The following CCDC141 variants were observed in gnomAD, a reference collection of about 807,000 sequenced individuals.
CCDC141 encodes coiled-coil domain containing 141.
Under a neutral mutation model 181.0 loss-of-function variants are expected in CCDC141, and 168 were observed. That is an observed-to-expected ratio of 0.93 (90% CI 0.82 to 1.05). The LOEUF is 1.05. CCDC141 is among the 50% of genes least tolerant of loss of function. The pLI is 0.00. For synonymous variants in CCDC141, 666 were observed against 642.3 expected (o/e 1.04, Z -0.56); for missense variants, 1,902 against 1,788.5 (o/e 1.06, Z -1.14).
the CCDC141 span, among the ~76,000 whole-genome samples, chr2:178,817,368 A>C: frequency 1.3e-5 from 2 of 152,238 alleles, no homozygotes; most frequent in African/African-American, 4.8e-5. Flanking sequence ...ATGGCCTCAA[A>C]TATAAGAATT....
At chr2:178,982,544 T>C (rs1372669638) in intron 2 of CCDC141, among the ~76,000 whole-genome samples, 1 of 152,162 alleles carries the variant, frequency 6.6e-6, no homozygotes, top group East Asian at 1.9e-4. Context: ...TGCATTTCCA[T>C]CTGAGGTACC....
chr2:178,965,038 A>G (rs1690565814), intron 4 of CCDC141, among the ~76,000 whole-genome samples: 1 of 152,226 alleles, frequency 6.6e-6, no homozygotes, highest in South Asian at 2.1e-4. Flanking sequence ...CCAATTTAAG[A>G]TGGTATAATA....
intron 2 of CCDC141, among the ~76,000 whole-genome samples, chr2:178,992,480 A>G (rs1469837350): frequency 6.6e-6 from 1 of 150,930 alleles, no homozygotes; most frequent in African/African-American, 2.4e-5. Flanking sequence ...CTTCCAAATT[A>G]TACTCTAAGA....
chr2:179,015,714 C>CATATCTCATAT (rs1260959731), intron 2 of CCDC141, among the ~76,000 whole-genome samples: 1 of 128,030 alleles, frequency 7.8e-6, no homozygotes, highest in Non-Finnish European at 1.6e-5. Context: ...ATATCTCATA[C>CATATCTCATAT]ATATCTCATA....
chr2:179,004,754 A>G (rs1305871672), intron 2 of CCDC141, among the ~76,000 whole-genome samples: 1 of 152,146 alleles, frequency 6.6e-6, no homozygotes, highest in Admixed American at 6.6e-5. Context: ...TTTTTGAGAC[A>G]GAGTCTTGCT....
At chr2:178,923,699 A>C (rs1688806545) in intron 6 of CCDC141, among the ~76,000 whole-genome samples, 1 of 152,064 alleles carries the variant, frequency 6.6e-6, no homozygotes, top group South Asian at 2.1e-4. Flanking sequence ...CCCGATACAG[A>C]CGTGAGGCCC....
intron 2 of CCDC141, among the ~76,000 whole-genome samples, chr2:179,036,843 T>C (rs139157371): frequency 6.6e-6 from 1 of 152,342 alleles, no homozygotes; most frequent in Non-Finnish European, 1.5e-5. Context: ...CGTGTTTGAA[T>C]TTGGAAGGTG....
intron 6 of CCDC141, among the ~76,000 whole-genome samples, chr2:178,921,784 C>G (rs1688700698): frequency 6.6e-6 from 1 of 152,224 alleles, no homozygotes; most frequent in South Asian, 2.1e-4. Context: ...CCAGCTCCCA[C>G]AAGTCTTTCT....
intron 5 of CCDC141, among the ~76,000 whole-genome samples, chr2:178,949,134 G>C (rs1320313493): frequency 6.6e-6 from 1 of 152,156 alleles, no homozygotes; most frequent in Non-Finnish European, 1.5e-5. Flanking sequence ...GTACCAAAAA[G>C]AGTAGGAAGG....
At chr2:178,828,168 T>C (rs569632003), downstream of CCDC141, among the ~76,000 whole-genome samples, 181 of 152,094 alleles carry the variant, frequency 1.2e-3, 1 homozygote, top group Non-Finnish European at 1.5e-3. Context: ...GTAACAAAAA[T>C]TGTCATGTAG....
intron 19 of CCDC141, 125 bp from the exon 20 acceptor site, chr2:178,853,749 TAA>T: frequency 1.5e-6 from 1 of 684,620 alleles, no homozygotes; most frequent in Non-Finnish European, 2.4e-6. Flanking sequence ...TTGAACTTTC[TAA>T]GTCATAATAA....
intron 2 of CCDC141, among the ~76,000 whole-genome samples, chr2:179,021,396 A>C (rs2042688557): frequency 6.6e-6 from 1 of 152,186 alleles, no homozygotes; most frequent in Admixed American, 6.5e-5. Context: ...CTGGCACACA[A>C]ATAACAGAAC....
chr2:178,982,476 C>T (rs1040723080), intron 2 of CCDC141, among the ~76,000 whole-genome samples: 4 of 152,152 alleles, frequency 2.6e-5, no homozygotes, highest in Admixed American at 6.6e-5. Flanking sequence ...GATGGCCGAA[C>T]AGGAACAGCT....
intron 7 of CCDC141, among the ~76,000 whole-genome samples, chr2:178,911,143 T>C (rs1026581907): frequency 2.6e-5 from 4 of 152,266 alleles, no homozygotes; most frequent in Non-Finnish European, 4.4e-5. Flanking sequence ...TTTTTACACT[T>C]ATTCAAAAAA....
intron 17 of CCDC141, among the ~76,000 whole-genome samples, chr2:178,864,398 G>T (rs983471933): frequency 6.6e-6 from 1 of 152,212 alleles, no homozygotes; most frequent in Non-Finnish European, 1.5e-5. Flanking sequence ...TGACGTGTAA[G>T]CAGCAGCATA....
At chr2:178,860,047 G>T (rs1685535759) in intron 17 of CCDC141, among the ~76,000 whole-genome samples, 1 of 152,164 alleles carries the variant, frequency 6.6e-6, no homozygotes, top group Non-Finnish European at 1.5e-5. Flanking sequence ...TTAGAACTAT[G>T]GCACATGTTT....
intron 11 of CCDC141, 131 bp from the exon 12 acceptor site, chr2:178,878,274 T>C (rs1404023436): frequency 5.5e-5 from 10 of 181,628 alleles, no homozygotes; most frequent in Non-Finnish European, 8.7e-5. Context: ...TAAACATATT[T>C]ATTTATTTAT....
chr2:178,829,449 G>C (rs1261797842), downstream of CCDC141, among the ~76,000 whole-genome samples: 5 of 152,156 alleles, frequency 3.3e-5, no homozygotes, highest in Admixed American at 3.3e-4. Flanking sequence ...ATGCTCAGAT[G>C]GTTCATGATG....
intron 5 of CCDC141, among the ~76,000 whole-genome samples, chr2:178,952,139 G>C (rs1689975148): frequency 6.6e-6 from 1 of 152,208 alleles, no homozygotes; most frequent in East Asian, 1.9e-4. Flanking sequence ...TGGATATAAA[G>C]CCATGAAATG....
Sources: allele counts gnomAD v4.1 joint callset (sites outside exome capture counted in the v4.1 genomes callset), GRCh38; gene constraint gnomAD v4.1.1; transcripts MANE v1.5; gene names NCBI Gene and HGNC (gene_info 2026-07-23, HGNC 2026-07-21).